Variants in KCNC4 observed in about 807,000 individuals in gnomAD.
KCNC4 encodes potassium voltage-gated channel subfamily C member 4, also known as voltage-gated potassium channel KCNC4.
In KCNC4, 23 loss-of-function variants were observed where a neutral mutation model predicts 42.8. That is an observed-to-expected ratio of 0.54 (90% CI 0.39 to 0.76). The LOEUF (loss-of-function observed/expected upper bound fraction) is 0.76. Among genes scored for constraint, KCNC4 ranks in the 30% least tolerant of loss-of-function variants. The probability of loss-of-function intolerance (pLI) is 0.00; values close to 1 mark genes in which losing one functional copy is unlikely to be tolerated. For missense variants in KCNC4, 751 were observed against 898.2 expected, an observed-to-expected ratio of 0.84 and a Z score of 2.10; for synonymous variants, 422 against 393.5, an observed-to-expected ratio of 1.07 and a Z score of -0.86.
At chr1:110,265,105 G>C (rs1659515296) in intron 1 of KCNC4, among the ~76,000 whole-genome samples, 1 of 151,342 alleles carries the variant, frequency 6.6e-6, no homozygotes, top group Admixed American at 6.6e-5. Context: ...AAAAAAGGTG[G>C]GGGAGAGTGA....
At position 110,226,381 on chromosome 1, in the gene KCNC4, C is replaced by T. The variant is rs141446426; in HGVS notation, c.1819+203C>T. 201 of 605,130 alleles carry T rather than the reference C, an allele frequency of 3.3e-4. 1 individual carries two copies. Among genetic ancestry groups the T allele is most frequent in the Admixed American group, 1.8e-3 (68 of 38,000 alleles). 37.5% of individuals were successfully genotyped at this position (605,130 alleles called of 1,614,324 possible). ...GTCTTCTCCATCTCAGAAGGGCACA[C>T]GGCTCCCATCCAGCTGCCCATGGGA... is the stretch of plus-strand genomic sequence containing the variant. On this transcript the variant is annotated intron_variant, in intron 3 of 3. Coordinates refer to ENST00000438661, the MANE Select transcript of KCNC4 (RefSeq NM_001039574.3).
intron 1 of KCNC4, among the ~76,000 whole-genome samples, chr1:110,216,844 C>T (rs970692317): frequency 6.6e-6 from 1 of 152,160 alleles, no homozygotes; most frequent in Non-Finnish European, 1.5e-5. Flanking sequence ...GGGTCCTTAT[C>T]TGGAAGTGGA....
chr1:110,261,261 T>C (rs542020184), intron 1 of KCNC4, among the ~76,000 whole-genome samples: 1 of 152,320 alleles, frequency 6.6e-6, no homozygotes, highest in East Asian at 1.9e-4. Context: ...GGGAAACACT[T>C]GCTTTTTCTA....
chr1:110,257,034 T>C (rs1557872041), intron 1 of KCNC4: 1 of 153,722 alleles, frequency 6.5e-6, no homozygotes, highest in Non-Finnish European at 1.5e-5. Flanking sequence ...TCTGTTTGGT[T>C]GGACCAGTTT....
rs1248724242 is a variant in KCNC4, at chr1:110,226,018, G to A, written c.1659G>A (p.Glu553=). Residue 553 remains glutamate (E), a synonymous_variant, in exon 3 of 4, where the codon GAG becomes GAA. Transcript: ENST00000438661. The part of the protein sequence containing the change: ...NGDANAVLSD[E]EGAGLTQPLA... ...ATGCCAACGCAGTGCTGTCTGATGA[G>A]GAGGGAGCTGGCCTCACCCAACCCC... 1 of 1,612,588 alleles carries A rather than the reference G, an allele frequency of 6.2e-7. No individual in the cohort carries two copies.
At chr1:110,228,308 A>G (rs556964468) in intron 3 of KCNC4, among the ~76,000 whole-genome samples, 96 of 152,170 alleles carry the variant, frequency 6.3e-4, no homozygotes, top group African/African-American at 2.3e-3. Context: ...CTGGGCTATC[A>G]AGGAGCTGGT....
chr1:110,268,797 G>A (rs112247275), intron 1 of KCNC4, among the ~76,000 whole-genome samples: 40,398 of 146,028 alleles, frequency 0.28, 5,992 homozygotes, highest in Admixed American at 0.42. Flanking sequence ...GCGCGATCTC[G>A]GCTCACTGCA....
intron 3 of KCNC4, 58 bp downstream of exon 3, chr1:110,226,236 C>A (rs764424120): frequency 7.9e-6 from 12 of 1,514,510 alleles, no homozygotes; most frequent in Admixed American, 3.4e-5. Context: ...TCTCCCGAGT[C>A]CCCCACCAAG....
chr1:110,265,068 C>T (rs1286704702), intron 1 of KCNC4, among the ~76,000 whole-genome samples: 4 of 140,818 alleles, frequency 2.8e-5, no homozygotes, highest in Non-Finnish European at 6.1e-5. Context: ...GCAACAGAAC[C>T]AAGACTCTGT....
chr1:110,232,548 T>G, intron 3 of KCNC4: 1 of 1,434,384 alleles, frequency 7.0e-7, no homozygotes, highest in Non-Finnish European at 9.1e-7. Flanking sequence ...ACTGGAGCTT[T>G]GAAGACCTAA....
chr1:110,220,342 C>G (rs1030364317), intron 1 of KCNC4: 2 of 152,294 alleles, frequency 1.3e-5, no homozygotes, highest in African/African-American at 4.8e-5. Context: ...CAGGATGTGG[C>G]TGGTGCCCAC....
Position 110,223,967 on chromosome 1 carries a change from C to A in KCNC4, c.1615+67C>A. ...TGGCCTAGGGAGTTTCCAAATGGACCTCAGACCTTGGGATTTGGCATGTGT... is the reference window on the plus strand; with the variant it reads ...TGGCCTAGGGAGTTTCCAAATGGACATCAGACCTTGGGATTTGGCATGTGT... On this transcript the variant is annotated intron_variant, in intron 2 of 3. Coordinates refer to ENST00000438661, the MANE Select transcript of KCNC4 (RefSeq NM_001039574.3). The surrounding 1 kb of genome is among the most constrained non-coding windows in gnomAD (Gnocchi z 7.5). 2 of 1,252,076 alleles carry A rather than the reference C, an allele frequency of 1.6e-6. No individual in the cohort carries two copies. Among genetic ancestry groups the A allele is most frequent in the Non-Finnish European group, 2.2e-6 (2 of 899,612 alleles). The allele number at this position is 1,252,076 out of a possible 1,614,324, so 77.6% of individuals were successfully genotyped here.
At chr1:110,271,728 T>TG in intron 1 of KCNC4, among the ~76,000 whole-genome samples, 1 of 148,368 alleles carries the variant, frequency 6.7e-6, no homozygotes, top group South Asian at 2.1e-4. Flanking sequence ...AACAATCATG[T>TG]GGGGGCTGTT....
chr1:110,252,526 T>G (rs560612146), downstream of KCNC4, among the ~76,000 whole-genome samples: 3 of 152,314 alleles, frequency 2.0e-5, no homozygotes, highest in East Asian at 5.8e-4. Flanking sequence ...CTTGCCTGGA[T>G]AGAGCACTCA....
chr1:110,274,744 A>T (rs1038567303), intron 1 of KCNC4, among the ~76,000 whole-genome samples: 15 of 152,238 alleles, frequency 9.9e-5, no homozygotes, highest in African/African-American at 3.4e-4. Context: ...GAAAATGTCA[A>T]CAAAAATATA....
At chr1:110,272,694 T>A (rs1659654552) in intron 1 of KCNC4, 1 of 95,688 alleles carries the variant, frequency 1.0e-5, no homozygotes, top group Admixed American at 1.2e-4. Context: ...ACAGTTAGGG[T>A]GAGAGAGGAA....
rs149332071 is a variant in KCNC4, at chr1:110,218,435, T to C, written c.679-4529T>C. On this transcript the variant is annotated intron_variant, in intron 1 of 3. Coordinates refer to ENST00000438661, the MANE Select transcript of KCNC4 (RefSeq NM_001039574.3). ...CAGGTGTCACCTTGTCATTAAGGCCTTACCTGACCTCTCTATTGGAAACAA... is the reference window on the plus strand; with the variant it reads ...CAGGTGTCACCTTGTCATTAAGGCCCTACCTGACCTCTCTATTGGAAACAA... Among the ~76,000 whole-genome samples, 67 of 152,304 alleles carry C rather than the reference T, an allele frequency of 4.4e-4. 1 individual carries two copies. The East Asian group carries it at 9.5e-3, about 22-fold the overall frequency.
exon 4 of KCNC4, chr1:110,245,246 G>C (rs771995262): frequency 6.6e-6 from 1 of 152,204 alleles, no homozygotes; most frequent in Non-Finnish European, 1.5e-5. Context: ...ACCTGTATAT[G>C]GTATTTGGAT....
intron 1 of KCNC4, among the ~76,000 whole-genome samples, chr1:110,268,205 T>C (rs1234855305): frequency 1.3e-5 from 2 of 152,212 alleles, no homozygotes; most frequent in East Asian, 1.9e-4. Flanking sequence ...CCCCTCCCAG[T>C]ACCTGACTCA....
Sources: allele counts gnomAD v4.1 joint callset (sites outside exome capture counted in the v4.1 genomes callset), GRCh38; gene constraint gnomAD v4.1.1; non-coding constraint Gnocchi (gnomAD v3.1); transcripts MANE v1.5; gene names NCBI Gene and HGNC (gene_info 2026-07-23, HGNC 2026-07-21).